Variants in TCF25 observed in about 807,000 individuals in gnomAD.
The protein encoded by TCF25 is ribosome quality control complex subunit TCF25.
A neutral mutation model predicts 83.1 loss-of-function variants in TCF25; 41 were observed. The observed-to-expected ratio is 0.49, with a 90% CI of 0.38 to 0.64. The LOEUF (loss-of-function observed/expected upper bound fraction) is 0.64, where lower values mean the gene tolerates loss of function less well. Among genes scored for constraint, TCF25 ranks in the 30% least tolerant of loss-of-function variants. The pLI, the probability that TCF25 is intolerant of heterozygous loss-of-function variation, is 0.00. For synonymous variants in TCF25, 458 were observed against 365.0 expected (o/e 1.25, Z -2.90); for missense variants, 979 against 914.5 (o/e 1.07, Z -0.91).
chr16:89,909,363 T>G (rs987548219), intron 16 of TCF25: 3 of 338,320 alleles, frequency 8.9e-6, no homozygotes, highest in Non-Finnish European at 1.7e-5. Context: ...ACAAAAAAAT[T>G]AGCTGGGCGT....
At chr16:89,898,519 G>A in intron 9 of TCF25, 38 bp from the exon 10 acceptor site, 3 of 1,602,530 alleles carry the variant, frequency 1.9e-6, no homozygotes, top group Non-Finnish European at 1.7e-6. Flanking sequence ...ATTCTCCTTT[G>A]TGTCGTTGTA....
At chr16:89,901,409 T>G (rs1597362036) in intron 12 of TCF25, among the ~76,000 whole-genome samples, 1 of 151,474 alleles carries the variant, frequency 6.6e-6, no homozygotes, top group Non-Finnish European at 1.5e-5. Context: ...AAGACGAGCC[T>G]CCTCTGAGGG....
At chr16:89,877,622 C>T (rs561600174) in intron 1 of TCF25, among the ~76,000 whole-genome samples, 4 of 152,110 alleles carry the variant, frequency 2.6e-5, no homozygotes, top group African/African-American at 9.6e-5. Flanking sequence ...CAAAATGTGT[C>T]GAAGGAAGAA....
chr16:89,903,676 G>T (rs1036515525), intron 12 of TCF25, among the ~76,000 whole-genome samples: 59 of 151,816 alleles, frequency 3.9e-4, no homozygotes, highest in African/African-American at 1.3e-3. Flanking sequence ...GCGTGGTAGT[G>T]TGCGCCTGTG....
chr16:89,903,600 G>A (rs923714221), intron 12 of TCF25, among the ~76,000 whole-genome samples: 4 of 152,274 alleles, frequency 2.6e-5, no homozygotes, highest in South Asian at 4.1e-4. Flanking sequence ...GAGGTCAAGA[G>A]TTCAAGACCA....
intron 1 of TCF25, among the ~76,000 whole-genome samples, chr16:89,881,502 G>A (rs751593411): frequency 8.7e-5 from 13 of 149,332 alleles, no homozygotes; most frequent in Admixed American, 6.0e-4. Flanking sequence ...CTGGAGTGCC[G>A]TTGTGTGATC....
chr16:89,898,633 T>A lies in TCF25; in HGVS notation c.1099T>A (p.Cys367Ser). 3 of 1,612,992 alleles carry A rather than the reference T, an allele frequency of 1.9e-6. No homozygotes were observed. Among genetic ancestry groups the A allele is most frequent in the East Asian group, 2.2e-5 (1 of 44,888 alleles). ...RGCPRTALEYCKLILSLEPDE... is the reference protein window; with the variant it reads ...RGCPRTALEYSKLILSLEPDE... ...CTGCCCGCGCACGGCGCTGGAGTAC[T>A]GCAAGCTCATCCTGAGGTGAGTGTC... Residue 367 changes from cysteine (C) to serine (S), a missense_variant, in exon 10 of 18, where the codon TGC becomes AGC. Transcript: ENST00000263346.
At chr16:89,892,476 G>A (rs992582598) in intron 6 of TCF25, among the ~76,000 whole-genome samples, 6 of 152,100 alleles carry the variant, frequency 3.9e-5, no homozygotes, top group East Asian at 1.9e-4. Context: ...CTCCAGGAGC[G>A]CTCCAGGAGT....
chr16:89,906,120 G>A, intron 14 of TCF25, 74 bp from the exon 15 acceptor site: 3 of 1,322,290 alleles, frequency 2.3e-6, no homozygotes, highest in East Asian at 5.0e-5. Context: ...GGGGGTGGGG[G>A]CCGAGGCTCC....
chr16:89,878,589 AT>A (rs2042368770), intron 1 of TCF25: 8 of 1,167,316 alleles, frequency 6.9e-6, no homozygotes, highest in Middle Eastern at 2.4e-4. Flanking sequence ...AATGTTCCCC[AT>A]TTGAGACCCT....
intron 7 of TCF25, 128 bp downstream of exon 7, chr16:89,893,986 G>A: frequency 7.2e-7 from 1 of 1,391,790 alleles, no homozygotes; most frequent in East Asian, 2.5e-5. Context: ...AAGGGTGCCA[G>A]TCTCTGCAGG....
intron 1 of TCF25, chr16:89,874,475 C>G (rs563413853): frequency 6.5e-6 from 1 of 152,904 alleles, no homozygotes; most frequent in African/African-American, 2.4e-5. Flanking sequence ...TGCCAGGCCT[C>G]TGCGAGCATT....
chr16:89,887,279 C>G (rs904746099), intron 4 of TCF25, among the ~76,000 whole-genome samples: 1 of 152,040 alleles, frequency 6.6e-6, no homozygotes, highest in African/African-American at 2.4e-5. Context: ...ATCGCTGTCC[C>G]TACTTCAGAA....
intron 1 of TCF25, among the ~76,000 whole-genome samples, chr16:89,874,373 G>A (rs1177514156): frequency 6.6e-6 from 1 of 152,144 alleles, no homozygotes; most frequent in Non-Finnish European, 1.5e-5. Context: ...GGCCACCGTG[G>A]GGGTGGGGCC....
At position 89,904,164 on chromosome 16, in the gene TCF25, C is replaced by T. The variant is rs765158453; in HGVS notation, c.1428C>T (p.Ser476=). Residue 476 remains serine (S), a synonymous_variant, in exon 13 of 18, where the codon AGC becomes AGT. Coordinates refer to ENST00000263346, the MANE Select transcript of TCF25 (RefSeq NM_014972.3). ...CTTGCAGTGTGCGGCCCGACGCCAG[C>T]GTTTCCAGTCACCGCTTCTTTGGAC... ...LESCSVRPDA[S]VSSHRFFGPN... 3.1e-6 allele frequency: 5 copies of T among 1,602,982 alleles called. No homozygotes were observed. The South Asian group carries it at 4.5e-5, about 14-fold the overall frequency.
At chr16:89,890,423 C>T (rs1239194888) in intron 5 of TCF25, 3 of 152,176 alleles carry the variant, frequency 2.0e-5, no homozygotes, top group Non-Finnish European at 2.9e-5. Context: ...CCTTCTTACT[C>T]GTAGTCGACG....
rs2045473058 is a variant in TCF25, at chr16:89,910,485, C to G, written c.1800-106C>G. ...GCTGCTCTGCCCCCTGGCGGCCCCT[C>G]CGTGTCCCTGCGAGGGAGGCAGCTG... is the stretch of plus-strand genomic sequence containing the variant. On this transcript the variant is annotated intron_variant, in intron 16 of 17. Transcript: ENST00000263346. 6 of 1,193,786 alleles carry G rather than the reference C, an allele frequency of 5.0e-6. No homozygotes were observed. In the Admixed American group the frequency reaches 7.2e-5, roughly 14 times the overall value. The allele number at this position is 1,193,786 out of a possible 1,614,324, so 73.9% of individuals were successfully genotyped here.
chr16:89,899,098 C>T (rs1050667120), intron 11 of TCF25, among the ~76,000 whole-genome samples: 6 of 152,280 alleles, frequency 3.9e-5, no homozygotes, highest in Admixed American at 2.6e-4. Flanking sequence ...AATCCTCATA[C>T]GTGTGTACAC....
intron 1 of TCF25, among the ~76,000 whole-genome samples, chr16:89,879,920 C>T (rs1203090967): frequency 1.3e-5 from 2 of 151,134 alleles, no homozygotes; most frequent in African/African-American, 4.9e-5. Context: ...TGTCCGTGTA[C>T]ACAGACAGGC....
Sources: allele counts gnomAD v4.1 joint callset (sites outside exome capture counted in the v4.1 genomes callset), GRCh38; gene constraint gnomAD v4.1.1; transcripts MANE v1.5; gene names NCBI Gene and HGNC (gene_info 2026-07-23, HGNC 2026-07-21).